The following NHSL1 variants were observed in gnomAD, a reference collection of about 807,000 sequenced individuals.
NHSL1 encodes the protein NHS like 1.
In NHSL1, 48 loss-of-function variants were observed where a neutral mutation model predicts 95.0. The ratio of observed to expected loss-of-function variants is 0.51; its 90% CI spans 0.40 to 0.64. The LOEUF (loss-of-function observed/expected upper bound fraction) is 0.64. Among genes scored for constraint, NHSL1 ranks in the 30% least tolerant of loss-of-function variants. The pLI, the probability that NHSL1 is intolerant of heterozygous loss-of-function variation, is 0.00. For synonymous variants in NHSL1, 783 were observed against 833.9 expected (o/e 0.94, Z 1.05); for missense variants, 1,971 against 2,077.7 (o/e 0.95, Z 1.00).
At chr6:138,535,483 G>T (rs1400078590) in intron 1 of NHSL1, among the ~76,000 whole-genome samples, 3 of 152,118 alleles carry the variant, frequency 2.0e-5, no homozygotes, top group Non-Finnish European at 4.4e-5. Context: ...AAGATTACTT[G>T]AGCCTAAGAG....
At chr6:138,566,361 G>A (rs1320465200) in intron 1 of NHSL1, among the ~76,000 whole-genome samples, 2 of 151,986 alleles carry the variant, frequency 1.3e-5, no homozygotes, top group East Asian at 3.9e-4. Context: ...TTGTGCCACT[G>A]CACTCCAGCC....
At chr6:138,566,343 A>G (rs1783617056) in intron 1 of NHSL1, among the ~76,000 whole-genome samples, 1 of 152,112 alleles carries the variant, frequency 6.6e-6, no homozygotes, top group Non-Finnish European at 1.5e-5. Context: ...AGCTGCAGTG[A>G]GCCAAGATTG....
intron 1 of NHSL1, among the ~76,000 whole-genome samples, chr6:138,577,913 A>G (rs1380501422): frequency 6.6e-6 from 1 of 152,212 alleles, no homozygotes; most frequent in Non-Finnish European, 1.5e-5. Context: ...CCCATAGTAC[A>G]TTAAATCCTT....
Position 138,447,106 on chromosome 6 carries a change from T to A in NHSL1, c.427A>T (p.Thr143Ser). The change falls in exon 4 of 8, where the codon ACT (threonine) becomes TCT (serine). Residue 143 changes from threonine (T) to serine (S), a missense_variant. By Grantham distance (58) the Thr-to-Ser change is moderately conservative (BLOSUM62 1). Around this residue, in one of 3 missense-constraint regions of NHSL1, gnomAD observed 1,602 missense variants for 1,654.5 expected, o/e 0.97. Coordinates refer to ENST00000343505, the MANE Select transcript of NHSL1 (RefSeq NM_001144060.2). Reference protein sequence around the residue: ...PASSDFSDLNTQTNWTKSLPL... With the variant: ...PASSDFSDLNSQTNWTKSLPL... ...AGCGACTTGGTCCAGTTCGTCTGAG[T>A]ATTAAGGTCGGAGAAGTCACTTGAG... The A allele has an allele frequency of 1.3e-6, 2 of 1,551,778 alleles. No individual in the cohort carries two copies. Among genetic ancestry groups the A allele is most frequent in the Non-Finnish European group, 1.7e-6 (2 of 1,147,002 alleles).
chr6:138,595,417 T>C (rs1467734485), intron 1 of NHSL1, among the ~76,000 whole-genome samples: 3 of 151,930 alleles, frequency 2.0e-5, no homozygotes, highest in African/African-American at 7.3e-5. Context: ...CTGCAAAAAA[T>C]ATTTAAAAAT....
At chr6:138,568,158 T>C (rs550144499) in intron 1 of NHSL1, among the ~76,000 whole-genome samples, 3 of 152,350 alleles carry the variant, frequency 2.0e-5, no homozygotes, top group African/African-American at 4.8e-5. Context: ...TAGAAGACCA[T>C]GCAAAACATG....
At chr6:138,630,773 A>G (rs1784808931) in intron 1 of NHSL1, among the ~76,000 whole-genome samples, 1 of 152,208 alleles carries the variant, frequency 6.6e-6, no homozygotes, top group Non-Finnish European at 1.5e-5. Context: ...CTCTCTAAAT[A>G]TGCTTGAGCT....
In NHSL1 at chr6:138,424,267, G is replaced by T; in HGVS notation, c.4635C>A (p.Gly1545=). 6.7e-7 allele frequency: 1 copy of T among 1,498,514 alleles called. No homozygotes were observed. The allele number at this position is 1,498,514 out of a possible 1,614,324, so 92.8% of individuals were successfully genotyped here. Reference sequence around the variant, plus strand: ...CGTCCAGGGAACATCCCTCCGCAGCGCCCAGAGCCCCGCGGGCTATGCTGT... The same window carrying T: ...CGTCCAGGGAACATCCCTCCGCAGCTCCCAGAGCCCCGCGGGCTATGCTGT... The part of the protein sequence containing the change: ...PVDSIARGAL[G]AAEGCSLDGL... Residue 1545 remains glycine, a synonymous_variant, in exon 8 of 8, where the codon GGC becomes GGA. Transcript: ENST00000343505. The surrounding 1 kb of genome is among the most constrained non-coding windows in gnomAD (Gnocchi z 5.9).
At chr6:138,426,806 C>A (rs552735584) in intron 7 of NHSL1, among the ~76,000 whole-genome samples, 10 of 152,250 alleles carry the variant, frequency 6.6e-5, no homozygotes, top group African/African-American at 2.2e-4. Flanking sequence ...TTTGGGACTG[C>A]AGAACATGGC....
chr6:138,592,469 G>A (rs554229494), intron 1 of NHSL1, among the ~76,000 whole-genome samples: 9 of 152,230 alleles, frequency 5.9e-5, no homozygotes, highest in African/African-American at 2.2e-4. Context: ...GTGGTGGCAG[G>A]CGCCCGTAAT....
upstream of NHSL1, among the ~76,000 whole-genome samples, chr6:138,576,427 G>A (rs1783973460): frequency 6.6e-6 from 1 of 152,194 alleles, no homozygotes; most frequent in Non-Finnish European, 1.5e-5. Flanking sequence ...CCCCATGTGA[G>A]ACAGACGTGC....
rs920927828 is a variant in NHSL1 at position 138,506,805 on chromosome 6, C to T, written c.17-10434G>A. Among the ~76,000 whole-genome samples, 9 of 152,024 alleles carry T rather than the reference C, an allele frequency of 5.9e-5. No individual in the cohort carries two copies. In the East Asian group the frequency reaches 1.5e-3, roughly 26 times the overall value. On this transcript the variant is annotated intron_variant, in intron 1 of 4. Transcript: ENST00000342260. ...CAAAAATCTACAGTAAAAGTTAATACAATTATAATTTATAATGTTAAAAAT... is the reference window on the plus strand; with the variant it reads ...CAAAAATCTACAGTAAAAGTTAATATAATTATAATTTATAATGTTAAAAAT...
rs542486373 is a variant in NHSL1 at position 138,431,562 on chromosome 6, G to A, written c.2783C>T (p.Pro928Leu). 1.2e-5 allele frequency: 18 copies of A among 1,551,058 alleles called. No individual in the cohort carries two copies. Among genetic ancestry groups the A allele is most frequent in the African/African-American group, 4.1e-5 (3 of 73,100 alleles). ...GGGAACAGGAGGAGGAGGAGGAGCC[G>A]GGGGAGAGCCCACGGCTGGATCCAG... Reference protein sequence around the residue: ...KKLDPAVGSPPAPPPPPVPSP... With the variant: ...KKLDPAVGSPLAPPPPPVPSP... Residue 928 changes from proline (P) to leucine (L), a missense_variant, in exon 6 of 8, where the codon CCG (proline) becomes CTG (leucine). This residue lies in a region of NHSL1 where 1,602 missense variants were observed against 1,654.5 expected (regional missense o/e 0.97). Coordinates refer to ENST00000343505, the MANE Select transcript of NHSL1 (RefSeq NM_001144060.2). The surrounding 1 kb of genome is among the most constrained non-coding windows in gnomAD (Gnocchi z 4.0).
intron 1 of NHSL1, among the ~76,000 whole-genome samples, chr6:138,657,764 G>A (rs1435346312): frequency 7.3e-5 from 10 of 136,256 alleles, no homozygotes; most frequent in African/African-American, 1.7e-4. Context: ...GCAGTGAGCC[G>A]AGATCGCGCC....
At chr6:138,519,123 T>C (rs909231860) in intron 1 of NHSL1, among the ~76,000 whole-genome samples, 3 of 151,812 alleles carry the variant, frequency 2.0e-5, no homozygotes, top group African/African-American at 4.8e-5. Flanking sequence ...AATGGGAAAA[T>C]ATAACTTTTC....
rs370888768 is a variant in NHSL1, at chr6:138,670,665, C to CAAAAAAAAAA, written c.96+21801_96+21810dup. 3.7e-4 allele frequency among the ~76,000 whole-genome samples: 26 copies of CAAAAAAAAAA among 69,350 alleles called. 1 individual carries two copies. The East Asian group carries it at 8.0e-3, about 21-fold the overall frequency. 45.5% of individuals were successfully genotyped at this position (69,350 alleles called of 152,430 possible). ...TGGGCGACAAAGCGAGACTCCGTCT[C>CAAAAAAAAAA]AAAAAAAAAAAAAAAAAAAAACTTT... On this transcript the variant is annotated intron_variant, in intron 1 of 3. Coordinates refer to the NHSL1 transcript ENST00000491526.
rs1775027489 is a variant in NHSL1, at chr6:138,423,263, C to T, written c.*818G>A. Reference sequence around the variant, plus strand: ...CCAACCCTTCCCCTCTCTCTATGTCCACACCATCACTTCAGTTGTCAATGA... The same window carrying T: ...CCAACCCTTCCCCTCTCTCTATGTCTACACCATCACTTCAGTTGTCAATGA... On this transcript the variant is annotated 3_prime_UTR_variant, in exon 8 of 8. Coordinates refer to ENST00000343505, the MANE Select transcript of NHSL1 (RefSeq NM_001144060.2). The T allele has an allele frequency of 6.6e-6, 1 of 152,086 alleles. No individual in the cohort carries two copies. Among genetic ancestry groups the T allele is most frequent in the African/African-American group, 2.4e-5 (1 of 41,386 alleles). The allele number at this position is 152,086 out of a possible 1,614,324, so 9.4% of individuals were successfully genotyped here. A position where few individuals can be genotyped will look rare whatever the true frequency, so the allele number is the denominator to read the frequency against.
At position 138,659,780 on chromosome 6, in the gene NHSL1, G is replaced by A. The variant is rs188769741; in HGVS notation, c.96+32696C>T. ...CATCCAGGCTGGAGTACAGTAGAGC[G>A]ATCTCAGCTCACTGCAACCTCTGCC... On this transcript the variant is annotated intron_variant, in intron 1 of 3. Coordinates refer to the NHSL1 transcript ENST00000491526. 1.8e-3 allele frequency among the ~76,000 whole-genome samples: 264 copies of A among 148,568 alleles called. 3 individuals carry two copies. The highest frequency in any genetic ancestry group is 0.015 in the East Asian group (75 of 5,044).
chr6:138,462,873 T>C (rs1778090400), intron 3 of NHSL1, among the ~76,000 whole-genome samples: 1 of 151,904 alleles, frequency 6.6e-6, no homozygotes, highest in African/African-American at 2.4e-5. Flanking sequence ...GCCAGCAGAG[T>C]TGAAAATGTG....
Sources: gnomAD v4.1 joint callset for allele counts (sites outside exome capture counted in the v4.1 genomes callset) on GRCh38, gnomAD v4.1.1 for gene constraint, gnomAD v4.1.1 regional missense constraint, Gnocchi (gnomAD v3.1) non-coding constraint, MANE v1.5 for transcripts, NCBI Gene and HGNC (gene_info 2026-07-23, HGNC 2026-07-21) for gene names.